TJP1: variants seen among roughly 807,000 people sequenced by gnomAD.
TJP1 encodes the protein tight junction protein ZO-1.
In TJP1, 43 loss-of-function variants were observed where a neutral mutation model predicts 194.2. The observed-to-expected ratio is 0.22, with a 90% CI of 0.17 to 0.29. The LOEUF (loss-of-function observed/expected upper bound fraction) is 0.29. Among genes scored for constraint, TJP1 ranks in the 10% least tolerant of loss-of-function variants. The pLI is 1.00. For missense variants in TJP1, 1,971 were observed against 2,185.7 expected (o/e 0.90, Z 1.96); for synonymous variants, 801 against 779.0 (o/e 1.03, Z -0.47).
chr15:29,826,794 T>C (rs75768277), upstream of TJP1, among the ~76,000 whole-genome samples: 803 of 152,312 alleles, frequency 5.3e-3, 30 homozygotes, highest in East Asian at 0.096. Context: ...TACAAGACCC[T>C]AGGGCAGAAG....
intron 2 of TJP1, among the ~76,000 whole-genome samples, chr15:29,876,016 A>T (rs1409000046): frequency 6.6e-6 from 1 of 152,200 alleles, no homozygotes; most frequent in African/African-American, 2.4e-5. Flanking sequence ...TTAAAATTAG[A>T]TAAAATTTTA....
chr15:29,772,002 C>A, intron 4 of TJP1, 62 bp downstream of exon 4: 2 of 1,039,932 alleles, frequency 1.9e-6, no homozygotes, highest in Non-Finnish European at 1.4e-6. Context: ...ATTCAAATAC[C>A]AGAAATGTAT....
At chr15:29,875,318 G>C (rs188675044) in intron 2 of TJP1, among the ~76,000 whole-genome samples, 1 of 152,322 alleles carries the variant, frequency 6.6e-6, no homozygotes, top group Non-Finnish European at 1.5e-5. Context: ...CTTTTTAAGA[G>C]TGATACTGAC....
intron 9 of TJP1, among the ~76,000 whole-genome samples, chr15:29,742,258 A>AG: frequency 6.6e-6 from 1 of 152,190 alleles, no homozygotes. Flanking sequence ...CTCAAAAAAA[A>AG]AAACCCAAAG....
At chr15:29,746,617 C>T (rs1273353207) in intron 8 of TJP1, among the ~76,000 whole-genome samples, 1 of 151,814 alleles carries the variant, frequency 6.6e-6, no homozygotes, top group Non-Finnish European at 1.5e-5. Flanking sequence ...ACAGTTATCT[C>T]TACTATTTCA....
chr15:29,775,045 T>C (rs2151665160), intron 2 of TJP1, among the ~76,000 whole-genome samples: 1 of 152,314 alleles, frequency 6.6e-6, no homozygotes, highest in South Asian at 2.1e-4. Context: ...AGCAGTGTGA[T>C]GAAATATTTT....
In TJP1 at chr15:29,704,106, G is replaced by T. The variant is rs1365069583; in HGVS notation, c.5212+56C>A. 35 of 1,524,712 alleles carry T rather than the reference G, an allele frequency of 2.3e-5. No homozygotes were observed. In the Admixed American group the frequency reaches 6.7e-4, roughly 29 times the overall value. 94.4% of individuals were successfully genotyped at this position (1,524,712 alleles called of 1,614,324 possible). Reference sequence around the variant, plus strand: ...AGCATGGGCAGCATCATCAGCCCAGGTATTAATCAACGACAGTCCCCAAAG... The same window carrying T: ...AGCATGGGCAGCATCATCAGCCCAGTTATTAATCAACGACAGTCCCCAAAG... On this transcript the variant is annotated intron_variant, in intron 27 of 27. Transcript: ENST00000614355.
intron 2 of TJP1, among the ~76,000 whole-genome samples, chr15:29,783,165 T>C (rs2047480162): frequency 6.6e-6 from 1 of 152,006 alleles, no homozygotes; most frequent in South Asian, 2.1e-4. Context: ...TCCCAGCTAT[T>C]CAGGAGGCTG....
At chr15:29,730,642 C>A (rs2043576579) in intron 15 of TJP1, 2 of 673,764 alleles carry the variant, frequency 3.0e-6, no homozygotes, top group East Asian at 3.0e-5. Context: ...GAGAACGACC[C>A]CCGGACCGAC....
intron 2 of TJP1, among the ~76,000 whole-genome samples, chr15:29,880,659 T>C (rs1054248529): frequency 6.6e-6 from 1 of 152,254 alleles, no homozygotes; most frequent in Non-Finnish European, 1.5e-5. Flanking sequence ...AGATTGACTA[T>C]ATTTATAGAT....
chr15:29,716,956 C>G (rs1305571887), intron 22 of TJP1, 118 bp from the exon 23 acceptor site: 1 of 837,972 alleles, frequency 1.2e-6, no homozygotes, highest in Non-Finnish European at 1.8e-6. Context: ...GCTGTGATTA[C>G]TGAGGATCTG....
intron 12 of TJP1, 83 bp from the exon 13 acceptor site, chr15:29,733,396 G>T: frequency 2.1e-6 from 2 of 931,158 alleles, no homozygotes; most frequent in Non-Finnish European, 3.2e-6. Context: ...AAGATGCTAT[G>T]ATAATATCAA....
chr15:29,735,233 A>G (rs2043948874), intron 11 of TJP1, among the ~76,000 whole-genome samples: 1 of 151,812 alleles, frequency 6.6e-6, no homozygotes, highest in South Asian at 2.1e-4. Context: ...AAAACCCTAG[A>G]AACAAAAAAA....
intron 16 of TJP1, among the ~76,000 whole-genome samples, chr15:29,727,337 C>T (rs1229844290): frequency 6.6e-6 from 1 of 152,150 alleles, no homozygotes; most frequent in African/African-American, 2.4e-5. Context: ...CAGCAAGACC[C>T]TACCTCAAAA....
At chr15:29,720,215 A>C (rs1341679085) in intron 19 of TJP1, 143 bp downstream of exon 19, 3 of 1,109,300 alleles carry the variant, frequency 2.7e-6, no homozygotes, top group African/African-American at 1.6e-5. Flanking sequence ...TTTAGAATTA[A>C]GCCCTTGGTA....
At chr15:29,918,738 CA>C (rs202112334) in intron 2 of TJP1, among the ~76,000 whole-genome samples, 38,292 of 141,132 alleles carry the variant, frequency 0.27, 5,038 homozygotes, top group East Asian at 0.36. Context: ...GAACATATCT[CA>C]AAAAAAAAAA....
chr15:29,907,997 A>G (rs2053873931), intron 2 of TJP1, among the ~76,000 whole-genome samples: 1 of 144,736 alleles, frequency 6.9e-6, no homozygotes. Flanking sequence ...AGAGAGGGGA[A>G]AAACACCGAT....
At chr15:29,842,104 C>T (rs1222254292) in intron 2 of TJP1, among the ~76,000 whole-genome samples, 1 of 152,178 alleles carries the variant, frequency 6.6e-6, no homozygotes, top group African/African-American at 2.4e-5. Flanking sequence ...CCTCACTTAA[C>T]ATCATTGATA....
At chr15:29,818,397 C>T (rs1405631250) in intron 1 of TJP1, among the ~76,000 whole-genome samples, 3 of 152,218 alleles carry the variant, frequency 2.0e-5, no homozygotes, top group African/African-American at 7.2e-5. Context: ...AGAGAACCAC[C>T]CTAATTCTTG....
Sources: allele counts gnomAD v4.1 joint callset (sites outside exome capture counted in the v4.1 genomes callset), GRCh38; gene constraint gnomAD v4.1.1; transcripts MANE v1.5; gene names NCBI Gene and HGNC (gene_info 2026-07-23, HGNC 2026-07-21).